Variants in PPARGC1A observed in about 807,000 individuals in gnomAD.
PPARGC1A encodes PPARG coactivator 1 alpha, also known as peroxisome proliferator-activated receptor gamma coactivator 1-alpha.
Under a neutral mutation model 88.7 loss-of-function variants are expected in PPARGC1A, and 25 were observed. The ratio of observed to expected loss-of-function variants is 0.28; its 90% CI spans 0.21 to 0.39. PPARGC1A has a LOEUF of 0.39. Among genes scored for constraint, PPARGC1A ranks in the 10% least tolerant of loss-of-function variants. PPARGC1A has a pLI of 1.00. For missense variants in PPARGC1A, 880 were observed against 968.7 expected (o/e 0.91, Z 1.22); for synonymous variants, 363 against 355.6 (o/e 1.02, Z -0.24).
the PPARGC1A span, among the ~76,000 whole-genome samples, chr4:24,007,425 C>G: frequency 6.6e-6 from 1 of 152,104 alleles, no homozygotes; most frequent in Non-Finnish European, 1.5e-5. Context: ...TTGAACAGCA[C>G]AAAATCAAAC....
At chr4:24,127,590 TATAGAG>T in the PPARGC1A span, among the ~76,000 whole-genome samples, 15 of 152,156 alleles carry the variant, frequency 9.9e-5, no homozygotes, top group South Asian at 1.0e-3. Context: ...CTGTATTATA[TATAGAG>T]ATAGAGATAG....
At chr4:23,904,986 T>C (rs997144239), upstream of PPARGC1A, among the ~76,000 whole-genome samples, 1 of 152,184 alleles carries the variant, frequency 6.6e-6, no homozygotes, top group African/African-American at 2.4e-5. Context: ...CGCTAAGTGC[T>C]GTACCACATG....
At chr4:23,826,264 T>C (rs180842499) in intron 5 of PPARGC1A, among the ~76,000 whole-genome samples, 6 of 152,172 alleles carry the variant, frequency 3.9e-5, no homozygotes, top group Non-Finnish European at 7.4e-5. Context: ...CCAGACTCTC[T>C]AATTCCACCA....
chr4:24,165,356 T>G, the PPARGC1A span, among the ~76,000 whole-genome samples: 1 of 152,172 alleles, frequency 6.6e-6, no homozygotes, highest in African/African-American at 2.4e-5. Flanking sequence ...GTATAGAACT[T>G]TTTCAATTTA....
the PPARGC1A span, among the ~76,000 whole-genome samples, chr4:23,918,340 G>A: frequency 6.6e-6 from 1 of 151,468 alleles, no homozygotes; most frequent in African/African-American, 2.4e-5. Flanking sequence ...TCCTGCCTTA[G>A]CCCCCTGAGT....
chr4:24,253,294 AT>A, the PPARGC1A span, among the ~76,000 whole-genome samples: 1 of 152,278 alleles, frequency 6.6e-6, no homozygotes, highest in East Asian at 1.9e-4. Flanking sequence ...CAAATTCATA[AT>A]TTTGAGACTA....
chr4:24,168,273 C>T, the PPARGC1A span, among the ~76,000 whole-genome samples: 136 of 152,298 alleles, frequency 8.9e-4, no homozygotes, highest in African/African-American at 3.2e-3. Context: ...GAAATTGAGG[C>T]TCACAGGTGA....
the PPARGC1A span, among the ~76,000 whole-genome samples, chr4:24,032,107 A>G: frequency 6.6e-6 from 1 of 152,248 alleles, no homozygotes; most frequent in South Asian, 2.1e-4. Flanking sequence ...ATGCTTTCTT[A>G]TAATAATAAT....
chr4:23,901,011 G>A (rs960463910), upstream of PPARGC1A, among the ~76,000 whole-genome samples: 1 of 152,052 alleles, frequency 6.6e-6, no homozygotes, highest in African/African-American at 2.4e-5. Context: ...GATCTGGTGT[G>A]GTCAGGAGTT....
chr4:23,818,431 C>A (rs551232258), intron 7 of PPARGC1A, among the ~76,000 whole-genome samples: 1 of 152,242 alleles, frequency 6.6e-6, no homozygotes, highest in Admixed American at 6.5e-5. Context: ...TGCAGAGCAA[C>A]AAATGGCTGC....
chr4:24,051,115 G>T, the PPARGC1A span, among the ~76,000 whole-genome samples: 3 of 145,772 alleles, frequency 2.1e-5, no homozygotes, highest in African/African-American at 7.7e-5. Context: ...ATGAACCCAG[G>T]AGGCAGAGCT....
chr4:24,418,867 T>A, the PPARGC1A span, among the ~76,000 whole-genome samples: 2 of 152,214 alleles, frequency 1.3e-5, no homozygotes, highest in South Asian at 4.1e-4. Context: ...CAATTCCTCA[T>A]CTTTCACTAT....
chr4:24,321,991 A>G, the PPARGC1A span, among the ~76,000 whole-genome samples: 1 of 152,242 alleles, frequency 6.6e-6, no homozygotes, highest in South Asian at 2.1e-4. Flanking sequence ...TTCTTCTAAA[A>G]TAGATCATGG....
At chr4:24,053,330 G>T in the PPARGC1A span, among the ~76,000 whole-genome samples, 6 of 152,120 alleles carry the variant, frequency 3.9e-5, no homozygotes, top group African/African-American at 1.4e-4. Context: ...AATAGCCTAA[G>T]GAATTAGTTT....
At chr4:24,345,926 T>C in the PPARGC1A span, among the ~76,000 whole-genome samples, 2 of 152,206 alleles carry the variant, frequency 1.3e-5, no homozygotes, top group African/African-American at 4.8e-5. Flanking sequence ...CTGTCATAGA[T>C]GGCTTTTATT....
intron 2 of PPARGC1A, among the ~76,000 whole-genome samples, chr4:23,844,855 AATATATGATATATAT>A (rs1385777456): frequency 6.0e-5 from 7 of 115,940 alleles, no homozygotes; most frequent in African/African-American, 2.0e-4. Flanking sequence ...ATATTATTAT[AATATATGATATATAT>A]TATATACACA....
chr4:24,047,972 G>A, the PPARGC1A span, among the ~76,000 whole-genome samples: 1 of 152,178 alleles, frequency 6.6e-6, no homozygotes, highest in Non-Finnish European at 1.5e-5. Flanking sequence ...ATTGAACTTA[G>A]TGGGTAAATG....
the PPARGC1A span, among the ~76,000 whole-genome samples, chr4:24,322,269 T>C: frequency 5.9e-5 from 9 of 152,328 alleles, no homozygotes; most frequent in East Asian, 1.7e-3. Flanking sequence ...AAAATTATTT[T>C]CCCCCGAGTT....
the PPARGC1A span, among the ~76,000 whole-genome samples, chr4:23,939,614 A>C: frequency 1.3e-5 from 2 of 152,164 alleles, no homozygotes; most frequent in Non-Finnish European, 1.5e-5. Flanking sequence ...CTCTCTAGAG[A>C]TAGAGAAAGG....
Sources: gnomAD v4.1 joint callset for allele counts (sites outside exome capture counted in the v4.1 genomes callset) on GRCh38, gnomAD v4.1.1 for gene constraint, MANE v1.5 for transcripts, NCBI Gene and HGNC (gene_info 2026-07-23, HGNC 2026-07-21) for gene names.